Variants in VIT observed in about 807,000 individuals in gnomAD.
The protein encoded by VIT is vitrin.
In VIT, 99 loss-of-function variants were observed where a neutral mutation model predicts 78.0. The observed-to-expected ratio is 1.27, with a 90% CI of 1.08 to 1.50. The LOEUF (loss-of-function observed/expected upper bound fraction) is 1.50. Among genes scored for constraint, VIT ranks in the 40% most tolerant of loss-of-function variants. VIT has a pLI of 0.00. For synonymous variants in VIT, 374 were observed against 334.3 expected, an observed-to-expected ratio of 1.12 and a Z score of -1.29; for missense variants, 1,126 against 875.3, an observed-to-expected ratio of 1.29 and a Z score of -3.61.
intron 7 of VIT, among the ~76,000 whole-genome samples, chr2:36,768,075 C>G (rs1007945349): frequency 5.3e-5 from 8 of 152,170 alleles, no homozygotes; most frequent in African/African-American, 1.9e-4. Context: ...ATAGCATGAC[C>G]CTTCCCCCTC....
chr2:36,717,867 T>A (rs1666263195), intron 2 of VIT, among the ~76,000 whole-genome samples: 1 of 152,148 alleles, frequency 6.6e-6, no homozygotes, highest in Non-Finnish European at 1.5e-5. Context: ...AGACTAGAAG[T>A]CCAAAATCAG....
chr2:36,756,878 C>T (rs1019593415), intron 5 of VIT, among the ~76,000 whole-genome samples: 2 of 152,192 alleles, frequency 1.3e-5, no homozygotes, highest in African/African-American at 2.4e-5. Flanking sequence ...AGAATCTCAA[C>T]AGAGGTTTAA....
intron 4 of VIT, among the ~76,000 whole-genome samples, chr2:36,753,991 A>C (rs1668620554): frequency 6.6e-6 from 1 of 152,188 alleles, no homozygotes; most frequent in Non-Finnish European, 1.5e-5. Context: ...AATGGCAATA[A>C]CAGCATTCCT....
At position 36,787,247 on chromosome 2, in the gene VIT, C is replaced by T. The variant is rs758347289; in HGVS notation, c.1029C>T (p.Ala343=). The change falls in exon 12 of 16, where the codon GCC becomes GCT. Residue 343 remains alanine (A), a synonymous_variant. Coordinates refer to ENST00000379242, the MANE Select transcript of VIT (RefSeq NM_053276.4). ...CCCAAGCTCTTGACATTGGCCCTGCCGGTCCACTGATGGGTGTTGTCCAGT... is the reference window on the plus strand; with the variant it reads ...CCCAAGCTCTTGACATTGGCCCTGCTGGTCCACTGATGGGTGTTGTCCAGT... The part of the protein sequence containing the change: ...DVAQALDIGP[A]GPLMGVVQYG... 15 of 1,613,980 alleles carry T rather than the reference C, an allele frequency of 9.3e-6. No homozygotes were observed. The highest frequency in any genetic ancestry group is 4.0e-5 in the African/African-American group (3 of 74,940).
At chr2:36,732,893 C>T (rs1253765938) in intron 3 of VIT, among the ~76,000 whole-genome samples, 1 of 151,994 alleles carries the variant, frequency 6.6e-6, no homozygotes, top group Non-Finnish European at 1.5e-5. Context: ...CAGGCAAAGA[C>T]GAGGAGAAAA....
At chr2:36,767,492 A>T (rs1669506390) in intron 7 of VIT, among the ~76,000 whole-genome samples, 2 of 152,240 alleles carry the variant, frequency 1.3e-5, no homozygotes, top group African/African-American at 4.8e-5. Context: ...ACTTCTGAAG[A>T]TAGAATACTT....
intron 4 of VIT, among the ~76,000 whole-genome samples, chr2:36,748,418 G>C (rs1668267238): frequency 6.6e-6 from 1 of 152,096 alleles, no homozygotes; most frequent in Non-Finnish European, 1.5e-5. Context: ...ATTTCTCAGA[G>C]GTTTTCTTCA....
chr2:36,814,308 C>T lies in VIT; in HGVS notation c.2029C>T (p.Pro677Ser), dbSNP rs942045287. 1.2e-6 allele frequency: 2 copies of T among 1,614,030 alleles called. No homozygotes were observed. Among genetic ancestry groups the T allele is most frequent in the Non-Finnish European group, 1.7e-6 (2 of 1,180,030 alleles). ...DEFDNLHQYV[P>S]RIIQNICTEF... The stretch of plus-strand genomic sequence containing the variant: ...GTTTGACAACCTCCATCAGTATGTC[C>T]CCAGGATCATCCAGAACATTTGTAC... The change falls in exon 16 of 16, where the codon CCC becomes TCC. Residue 677 changes from proline (P) to serine (S), a missense_variant. Coordinates refer to ENST00000379242, the MANE Select transcript of VIT (RefSeq NM_053276.4).
intron 7 of VIT, among the ~76,000 whole-genome samples, chr2:36,769,981 G>C (rs1669650177): frequency 6.6e-6 from 1 of 152,062 alleles, no homozygotes; most frequent in African/African-American, 2.4e-5. Flanking sequence ...CCTTCAAATG[G>C]GCTGAAAATT....
chr2:36,704,989 C>T (rs1455791498), intron 1 of VIT, among the ~76,000 whole-genome samples: 1 of 152,158 alleles, frequency 6.6e-6, no homozygotes, highest in African/African-American at 2.4e-5. Flanking sequence ...GAACCAAACA[C>T]CCAGCTCCAA....
intron 15 of VIT, among the ~76,000 whole-genome samples, chr2:36,809,758 A>C (rs1667015346): frequency 6.6e-6 from 1 of 152,212 alleles, no homozygotes; most frequent in African/African-American, 2.4e-5. Flanking sequence ...TTTAAAGACA[A>C]GTACTTTTTC....
chr2:36,793,625 T>C (rs752474945), intron 12 of VIT, among the ~76,000 whole-genome samples: 4 of 152,222 alleles, frequency 2.6e-5, no homozygotes, highest in Non-Finnish European at 5.9e-5. Flanking sequence ...ATTGACTAAG[T>C]CCATAAAGCA....
chr2:36,699,776 G>A (rs1447317029), intron 1 of VIT, among the ~76,000 whole-genome samples: 5 of 152,136 alleles, frequency 3.3e-5, no homozygotes, highest in Admixed American at 1.3e-4. Flanking sequence ...ACCCCATTCG[G>A]AAAGAATGTC....
intron 1 of VIT, among the ~76,000 whole-genome samples, chr2:36,712,901 T>C (rs2148439845): frequency 6.6e-6 from 1 of 152,350 alleles, no homozygotes; most frequent in East Asian, 1.9e-4. Context: ...TGTCTTCCCT[T>C]TGTTTTGTTT....
chr2:36,781,814 T>C (rs1043904460), intron 10 of VIT, 43 bp downstream of exon 10: 50 of 1,609,512 alleles, frequency 3.1e-5, no homozygotes, highest in Non-Finnish European at 4.2e-5. Flanking sequence ...TGGATCAAGA[T>C]GCGCAGGATA....
intron 4 of VIT, 25 bp from the exon 5 acceptor site, chr2:36,754,896 G>GA (rs1161419200): frequency 6.3e-7 from 1 of 1,599,876 alleles, no homozygotes; most frequent in African/African-American, 1.4e-5. Flanking sequence ...GTTCTTTCCT[G>GA]AAAAATTATT....
chr2:36,794,281 C>G (rs1244339183), intron 12 of VIT, among the ~76,000 whole-genome samples: 1 of 152,182 alleles, frequency 6.6e-6, no homozygotes, highest in Non-Finnish European at 1.5e-5. Context: ...AGCTAACAAC[C>G]TCTATGTTTT....
rs556927296 is a variant in VIT, at chr2:36,730,536, A to T, written c.118+1045A>T. ...AGGAAGGGATGAAGAAGGGCACATAATAGGGATGCAGGATTTTTCTTCTCA... is the reference window on the plus strand; with the variant it reads ...AGGAAGGGATGAAGAAGGGCACATATTAGGGATGCAGGATTTTTCTTCTCA... On this transcript the variant is annotated intron_variant, in intron 3 of 15. Transcript: ENST00000379242. 3.6e-4 allele frequency among the ~76,000 whole-genome samples: 55 copies of T among 152,282 alleles called. 1 individual carries two copies. The highest frequency in any genetic ancestry group is 1.2e-3 in the African/African-American group (51 of 41,566).
chr2:36,772,393 G>C (rs12616072), intron 7 of VIT, among the ~76,000 whole-genome samples: 1 of 151,874 alleles, frequency 6.6e-6, no homozygotes, highest in African/African-American at 2.4e-5. Flanking sequence ...AAAATTAGCC[G>C]GGCATGGTGG....
Sources: allele counts gnomAD v4.1 joint callset (sites outside exome capture counted in the v4.1 genomes callset), GRCh38; gene constraint gnomAD v4.1.1; transcripts MANE v1.5; gene names NCBI Gene and HGNC (gene_info 2026-07-23, HGNC 2026-07-21).